The following TEAD1 variants were observed in gnomAD, a reference collection of about 807,000 sequenced individuals.
TEAD1 encodes transcriptional enhancer factor TEF-1.
TEAD1 carries 9 observed loss-of-function variants against 54.9 expected under a neutral mutation model. The observed-to-expected ratio is 0.16, with a 90% CI of 0.10 to 0.29. The LOEUF (loss-of-function observed/expected upper bound fraction) is 0.29. Ranked by LOEUF, TEAD1 falls within the 10% of genes least tolerant of loss-of-function variation. The pLI is 1.00. For synonymous variants in TEAD1, 200 were observed against 187.8 expected, an observed-to-expected ratio of 1.07 and a Z score of -0.53; for missense variants, 387 against 535.9, an observed-to-expected ratio of 0.72 and a Z score of 2.74.
intron 2 of TEAD1, among the ~76,000 whole-genome samples, chr11:12,710,489 A>G (rs1275975050): frequency 6.6e-6 from 1 of 152,180 alleles, no homozygotes; most frequent in African/African-American, 2.4e-5. Context: ...CCAGTAAATG[A>G]TGGTTAAACT....
At chr11:12,872,841 T>TC (rs1348443464) in intron 5 of TEAD1, among the ~76,000 whole-genome samples, 28 of 152,148 alleles carry the variant, frequency 1.8e-4, no homozygotes, top group African/African-American at 6.8e-4. Flanking sequence ...GGAAAGCCAG[T>TC]CCATTACCTG....
intron 2 of TEAD1, among the ~76,000 whole-genome samples, chr11:12,737,255 A>G (rs1053008043): frequency 1.4e-4 from 21 of 151,864 alleles, no homozygotes; most frequent in Non-Finnish European, 4.4e-5. Flanking sequence ...CTGTGTGTTT[A>G]TACATCCCTA....
chr11:12,727,014 C>T (rs893429181), intron 2 of TEAD1, among the ~76,000 whole-genome samples: 5 of 151,964 alleles, frequency 3.3e-5, no homozygotes, highest in Non-Finnish European at 7.4e-5. Flanking sequence ...CTGAGGCGGG[C>T]AGATCACTTG....
At chr11:12,911,470 A>G (rs1948616372) in intron 10 of TEAD1, among the ~76,000 whole-genome samples, 2 of 152,210 alleles carry the variant, frequency 1.3e-5, no homozygotes, top group Admixed American at 6.5e-5. Context: ...TTGAACTGCT[A>G]TCAGGAAGGA....
At chr11:12,859,024 G>A (rs1418051823) in intron 3 of TEAD1, among the ~76,000 whole-genome samples, 1 of 152,160 alleles carries the variant, frequency 6.6e-6, no homozygotes, top group Non-Finnish European at 1.5e-5. Flanking sequence ...GTAAAAACAT[G>A]CCATTATAAT....
intron 10 of TEAD1, among the ~76,000 whole-genome samples, chr11:12,908,671 G>C (rs1329678603): frequency 6.6e-6 from 1 of 152,174 alleles, no homozygotes; most frequent in Non-Finnish European, 1.5e-5. Context: ...GGAGAAAGCA[G>C]TGTTGTTTTT....
chr11:12,909,402 T>C (rs191643529), intron 10 of TEAD1, among the ~76,000 whole-genome samples: 68 of 152,248 alleles, frequency 4.5e-4, no homozygotes, highest in African/African-American at 1.6e-3. Flanking sequence ...GAAGCCATCA[T>C]CGTTAGCAAA....
intron 2 of TEAD1, among the ~76,000 whole-genome samples, chr11:12,696,832 A>G (rs1943594754): frequency 6.6e-6 from 1 of 152,004 alleles, no homozygotes; most frequent in African/African-American, 2.4e-5. Context: ...CCCTCAGCAG[A>G]TAGAGCTGTC....
intron 2 of TEAD1, among the ~76,000 whole-genome samples, chr11:12,695,778 C>T (rs1943567996): frequency 6.6e-6 from 1 of 152,120 alleles, no homozygotes; most frequent in Admixed American, 6.5e-5. Flanking sequence ...CTATAGATGG[C>T]AGATTATTTT....
chr11:12,739,196 C>T (rs572451555), intron 2 of TEAD1, among the ~76,000 whole-genome samples: 1 of 143,992 alleles, frequency 6.9e-6, no homozygotes, highest in Non-Finnish European at 1.5e-5. Context: ...AGGTCTCATT[C>T]TTTCTATCTA....
At chr11:12,769,191 T>C (rs1382387207) in intron 3 of TEAD1, among the ~76,000 whole-genome samples, 4 of 152,154 alleles carry the variant, frequency 2.6e-5, no homozygotes, top group Non-Finnish European at 4.4e-5. Context: ...GGACTACTGG[T>C]CAGCCCCAGA....
In TEAD1 at chr11:12,943,181, A is replaced by G. The variant is rs1412900699; in HGVS notation, c.*5959A>G. On this transcript the variant is annotated 3_prime_UTR_variant, in exon 13 of 13. Coordinates refer to ENST00000527636, the MANE Select transcript of TEAD1 (RefSeq NM_021961.6). Reference sequence around the variant, plus strand: ...CTCCAAGTTGTAAGTATTTGTAGAAATTTGTGCAAACAAACAAAAACTATC... The same window carrying G: ...CTCCAAGTTGTAAGTATTTGTAGAAGTTTGTGCAAACAAACAAAAACTATC... 1 of 152,240 alleles carries G rather than the reference A, an allele frequency of 6.6e-6. No homozygotes were observed. Among genetic ancestry groups the G allele is most frequent in the Non-Finnish European group, 1.5e-5 (1 of 68,046 alleles). The allele number at this position is 152,240 out of a possible 1,614,324, so 9.4% of individuals were successfully genotyped here. A position where few individuals can be genotyped will look rare whatever the true frequency, so the allele number is the denominator to read the frequency against.
rs756722181 is a variant in TEAD1 at position 12,883,134 on chromosome 11, G to A, written c.699+9G>A. The A allele has an allele frequency of 3.7e-6, 6 of 1,614,004 alleles. No individual in the cohort carries two copies. Among genetic ancestry groups the A allele is most frequent in the Non-Finnish European group, 5.1e-6 (6 of 1,180,040 alleles). On this transcript the variant is annotated intron_variant, in intron 9 of 12. Coordinates refer to ENST00000527636, the MANE Select transcript of TEAD1 (RefSeq NM_021961.6). ...AGCGAGACCCAGACTCGGTGAGTGT[G>A]CCCAGAGAGGTGTGTCTTGAATCCA...
intron 3 of TEAD1, among the ~76,000 whole-genome samples, chr11:12,830,792 T>G (rs1450158388): frequency 1.3e-5 from 2 of 152,034 alleles, no homozygotes; most frequent in Non-Finnish European, 2.9e-5. Flanking sequence ...ACATGCACAT[T>G]CACATTGTAA....
In TEAD1 at chr11:12,883,980, C is replaced by T. The variant is rs999166845; in HGVS notation, c.699+855C>T. ...ACTGCACTCCAGCCTGGCGACAGAG[C>T]GAGACTCCGTCTCAAAAAAAAAAAA... On this transcript the variant is annotated intron_variant, in intron 9 of 12. Coordinates refer to ENST00000527636, the MANE Select transcript of TEAD1 (RefSeq NM_021961.6). 9.9e-5 allele frequency among the ~76,000 whole-genome samples: 14 copies of T among 141,810 alleles called. No individual in the cohort carries two copies. In the South Asian group the frequency reaches 1.4e-3, roughly 14 times the overall value. The allele number at this position is 141,810 out of a possible 152,430, so 93.0% of individuals were successfully genotyped here. A position where few individuals can be genotyped will look rare whatever the true frequency, so the allele number is the denominator to read the frequency against.
At chr11:12,786,235 G>C (rs1460429243) in intron 3 of TEAD1, among the ~76,000 whole-genome samples, 3 of 152,204 alleles carry the variant, frequency 2.0e-5, no homozygotes, top group Non-Finnish European at 4.4e-5. Flanking sequence ...AGGTGGAGAT[G>C]AATGCTCTGC....
chr11:12,685,057 C>G (rs1943304857), intron 2 of TEAD1, among the ~76,000 whole-genome samples: 1 of 152,152 alleles, frequency 6.6e-6, no homozygotes, highest in South Asian at 2.1e-4. Context: ...CTGGGTGTGT[C>G]AATGTCCCTG....
intron 10 of TEAD1, among the ~76,000 whole-genome samples, 178 bp downstream of exon 10, chr11:12,902,291 T>G (rs1948438635): frequency 6.6e-6 from 1 of 152,226 alleles, no homozygotes; most frequent in Admixed American, 6.5e-5. Flanking sequence ...GCCGGCCTTA[T>G]GCATCCACAT....
At chr11:12,885,541 A>G (rs897222895) in intron 9 of TEAD1, among the ~76,000 whole-genome samples, 1 of 151,926 alleles carries the variant, frequency 6.6e-6, no homozygotes, top group African/African-American at 2.4e-5. Flanking sequence ...CCGGGCTTGA[A>G]TTGTCTTTTC....
Sources: gnomAD v4.1 joint callset for allele counts (sites outside exome capture counted in the v4.1 genomes callset) on GRCh38, gnomAD v4.1.1 for gene constraint, MANE v1.5 for transcripts, NCBI Gene and HGNC (gene_info 2026-07-23, HGNC 2026-07-21) for gene names.